Variants in NTRK2 observed in about 807,000 individuals in gnomAD.
NTRK2 encodes BDNF/NT-3 growth factors receptor.
In NTRK2, 13 loss-of-function variants were observed where a neutral mutation model predicts 94.5. The observed-to-expected ratio is 0.14, with a 90% confidence interval of 0.09 to 0.22. NTRK2 has a LOEUF of 0.22. Ranked by LOEUF, NTRK2 falls within the 10% of genes least tolerant of loss-of-function variation. NTRK2 has a pLI of 1.00. For missense variants in NTRK2, 639 were observed against 1,071.2 expected, an observed-to-expected ratio of 0.60 and a Z score of 5.63; for synonymous variants, 372 against 407.4, an observed-to-expected ratio of 0.91 and a Z score of 1.05.
At chr9:84,831,409 G>T (rs2073536807) in intron 12 of NTRK2, among the ~76,000 whole-genome samples, 1 of 152,094 alleles carries the variant, frequency 6.6e-6, no homozygotes, top group South Asian at 2.1e-4. Flanking sequence ...CCGAAGGGAG[G>T]GGGTCAGGGA....
rs1237896705 is a variant in NTRK2, at chr9:84,875,136, T to C, written c.1633+7705T>C. 3.8e-6 allele frequency: 4 copies of C among 1,059,796 alleles called. No homozygotes were observed. The Admixed American group carries it at 2.2e-4, about 57-fold the overall frequency. The allele number at this position is 1,059,796 out of a possible 1,614,324, so 65.6% of individuals were successfully genotyped here. On this transcript the variant is annotated intron_variant, in intron 14 of 18. Transcript: ENST00000277120. ...TCTTGTGGATATCCTTTTAATCTCT[T>C]GTAATATAAAGTCTGACCATATGTG...
chr9:84,687,444 A>G (rs759117456), intron 2 of NTRK2, among the ~76,000 whole-genome samples: 2 of 152,056 alleles, frequency 1.3e-5, no homozygotes, highest in Admixed American at 6.5e-5. Context: ...ATTTTCCTCT[A>G]TTGCGGAGGA....
chr9:84,877,830 T>C, intron 14 of NTRK2: 1 of 1,044,098 alleles, frequency 9.6e-7, no homozygotes, highest in Non-Finnish European at 1.2e-6. Context: ...TCTTTTGTAC[T>C]GGAATTTGTG....
At chr9:85,014,749 G>A (rs1333099626) in intron 17 of NTRK2, among the ~76,000 whole-genome samples, 1 of 152,074 alleles carries the variant, frequency 6.6e-6, no homozygotes, top group Non-Finnish European at 1.5e-5. Context: ...ATTTTCTTCA[G>A]GATTTATTGT....
At chr9:84,840,265 CTTTTTTTT>C (rs1158579395) in intron 12 of NTRK2, among the ~76,000 whole-genome samples, 3 of 101,858 alleles carry the variant, frequency 2.9e-5, no homozygotes, top group Admixed American at 1.0e-4. Flanking sequence ...ATTGACAATT[CTTTTTTTT>C]TTTTTTTTTT....
intron 12 of NTRK2, among the ~76,000 whole-genome samples, chr9:84,845,518 C>T (rs1380583391): frequency 6.6e-6 from 1 of 150,474 alleles, no homozygotes; most frequent in African/African-American, 2.5e-5. Context: ...TGTGTAGATT[C>T]AAGCTTCCAA....
Position 84,761,843 on chromosome 9 carries a change from G to A in NTRK2, c.1396+9758G>A, listed in dbSNP as rs1251311307. Reference sequence around the variant, plus strand: ...TCTGTTTACTGTTAATTTGCAGGTAGCATGCATCTTGTCAGAGTGATATGG... The same window carrying A: ...TCTGTTTACTGTTAATTTGCAGGTAACATGCATCTTGTCAGAGTGATATGG... On this transcript the variant is annotated intron_variant, in intron 12 of 18. Coordinates refer to ENST00000277120, the MANE Select transcript of NTRK2 (RefSeq NM_006180.6). 2.0e-5 allele frequency among the ~76,000 whole-genome samples: 3 copies of A among 152,152 alleles called. No homozygotes were observed. The East Asian group carries it at 5.8e-4, about 29-fold the overall frequency.
intron 12 of NTRK2, among the ~76,000 whole-genome samples, chr9:84,817,689 A>G (rs1281575866): frequency 6.6e-6 from 1 of 152,192 alleles, no homozygotes; most frequent in Admixed American, 6.5e-5. Context: ...GTAAGTAACA[A>G]CTTAGCCAAA....
intron 17 of NTRK2, among the ~76,000 whole-genome samples, chr9:84,982,294 G>A (rs186176785): frequency 3.3e-5 from 5 of 152,122 alleles, no homozygotes; most frequent in Non-Finnish European, 7.3e-5. Flanking sequence ...GAGCCGAGGA[G>A]GATTAAGCAG....
At chr9:84,758,362 C>T (rs973267679) in intron 12 of NTRK2, among the ~76,000 whole-genome samples, 2 of 151,876 alleles carry the variant, frequency 1.3e-5, no homozygotes, top group Admixed American at 6.6e-5. Context: ...ATTTTTTAAA[C>T]TTAGCCCTTT....
intron 15 of NTRK2, among the ~76,000 whole-genome samples, chr9:84,947,533 G>A (rs749625983): frequency 4.6e-5 from 7 of 152,224 alleles, no homozygotes; most frequent in African/African-American, 1.7e-4. Context: ...TGTTGTCATC[G>A]GGGCAGCTGC....
intron 12 of NTRK2, among the ~76,000 whole-genome samples, chr9:84,825,722 G>A (rs2073144775): frequency 6.6e-6 from 1 of 152,178 alleles, no homozygotes; most frequent in Admixed American, 6.5e-5. Flanking sequence ...CACACAGAGT[G>A]GCACCTTCTT....
chr9:84,932,696 T>A (rs1402569240), intron 14 of NTRK2, among the ~76,000 whole-genome samples: 1 of 152,162 alleles, frequency 6.6e-6, no homozygotes, highest in African/African-American at 2.4e-5. Context: ...AGATGTGATA[T>A]AATTGTGGGA....
At position 84,963,143 on chromosome 9, in the gene NTRK2, A is replaced by G. The variant is rs1339919359; in HGVS notation, c.2172+7626A>G. On this transcript the variant is annotated intron_variant, in intron 17 of 18. Coordinates refer to ENST00000277120, the MANE Select transcript of NTRK2 (RefSeq NM_006180.6). ...AAGGCCAGGTTGCTGCACAGAGCAG[A>G]TTGTTTTTTCCTGCACACCTTTTTC... 2.0e-5 allele frequency among the ~76,000 whole-genome samples: 3 copies of G among 152,336 alleles called. No homozygotes were observed. The East Asian group carries it at 5.8e-4, about 29-fold the overall frequency.
In NTRK2 at chr9:84,693,125, A is replaced by G. The variant is rs554746478; in HGVS notation, c.213-9034A>G. On this transcript the variant is annotated intron_variant, in intron 2 of 18. Transcript: ENST00000277120. ...TAAATGTGAAAATTTTCAATCTCAA[A>G]TGTTAGTGACTAATTAAAATTTTCT... Among the ~76,000 whole-genome samples the G allele has an allele frequency of 2.8e-4, 43 of 152,296 alleles. 1 individual carries two copies. The South Asian group carries it at 7.9e-3, about 28-fold the overall frequency.
intron 12 of NTRK2, among the ~76,000 whole-genome samples, chr9:84,798,246 C>T (rs1039022613): frequency 6.6e-6 from 1 of 151,958 alleles, no homozygotes; most frequent in Admixed American, 6.6e-5. Flanking sequence ...TTCATGAGGG[C>T]TCCACCCTCA....
chr9:84,812,349 G>A (rs992187325), intron 12 of NTRK2: 1 of 1,058,794 alleles, frequency 9.4e-7, no homozygotes, highest in Non-Finnish European at 1.1e-6. Context: ...TCATACCCAT[G>A]CCTTAAAGAG....
At chr9:84,967,843 T>C (rs1367555891) in intron 17 of NTRK2, among the ~76,000 whole-genome samples, 1 of 152,122 alleles carries the variant, frequency 6.6e-6, no homozygotes, top group Non-Finnish European at 1.5e-5. Flanking sequence ...GGAGGGAACA[T>C]CCACTCAAAG....
chr9:84,855,480 A>C, intron 12 of NTRK2, among the ~76,000 whole-genome samples: 1 of 152,072 alleles, frequency 6.6e-6, no homozygotes, highest in East Asian at 1.9e-4. Context: ...AAATCTGTGG[A>C]TCTCCTCTCC....
Sources: allele counts gnomAD v4.1 joint callset (sites outside exome capture counted in the v4.1 genomes callset), GRCh38; gene constraint gnomAD v4.1.1; transcripts MANE v1.5; gene names NCBI Gene and HGNC (gene_info 2026-07-23, HGNC 2026-07-21).